TLE5: variants seen among roughly 807,000 people sequenced by gnomAD.
The protein encoded by TLE5 is TLE family member 5, transcriptional modulator.
A neutral mutation model predicts 25.8 loss-of-function variants in TLE5; 7 were observed. The observed-to-expected ratio is 0.27, with a 90% confidence interval of 0.15 to 0.51. The LOEUF is 0.51. Ranked by LOEUF, TLE5 falls within the 20% of genes least tolerant of loss-of-function variation. The pLI, the probability that TLE5 is intolerant of heterozygous loss-of-function variation, is 0.97. For missense variants in TLE5, 149 were observed against 250.7 expected, an observed-to-expected ratio of 0.59 and a Z score of 2.74; for synonymous variants, 132 against 110.5, an observed-to-expected ratio of 1.20 and a Z score of -1.22.
chr19:3,059,884 C>T (rs184023827), intron 2 of TLE5, among the ~76,000 whole-genome samples: 3 of 152,188 alleles, frequency 2.0e-5, no homozygotes, highest in East Asian at 1.9e-4. Flanking sequence ...CCAGCACCTT[C>T]GACTGTCAGT....
intron 2 of TLE5, among the ~76,000 whole-genome samples, chr19:3,060,247 C>T (rs1327775511): frequency 6.6e-6 from 1 of 151,950 alleles, no homozygotes; most frequent in East Asian, 1.9e-4. Flanking sequence ...AAACCTCAGC[C>T]TTGCCACTTC....
upstream of TLE5, chr19:3,062,526 G>A: frequency 1.5e-6 from 1 of 665,882 alleles, no homozygotes; most frequent in Non-Finnish European, 1.9e-6. Flanking sequence ...GGAGGCTTCG[G>A]CTCCACCTGC....
intron 4 of TLE5, 60 bp downstream of exon 4, chr19:3,056,252 G>A (rs1376944135): frequency 3.2e-6 from 4 of 1,259,100 alleles, no homozygotes; most frequent in Non-Finnish European, 3.3e-6. Flanking sequence ...GGCGGGGCTG[G>A]AGGTGGGGGG....
At position 3,057,608 on chromosome 19, in the gene TLE5, C is replaced by T. The variant is rs538870268; in HGVS notation, c.189+71G>A. ...GGCCGGGGTTGAGGGAGCAGCTGCC[C>T]GTGGTGGAGGGGATGTGGAGGGCCC... On this transcript the variant is annotated intron_variant, in intron 3 of 6. Transcript: ENST00000327141. The T allele has an allele frequency of 2.0e-4, 297 of 1,458,238 alleles. 2 individuals are homozygous for T. Among genetic ancestry groups the T allele is most frequent in the Admixed American group, 1.3e-4 (8 of 59,646 alleles). The allele number at this position is 1,458,238 out of a possible 1,614,324, so 90.3% of individuals were successfully genotyped here. A position where few individuals can be genotyped will look rare whatever the true frequency, so the allele number is the denominator to read the frequency against.
In TLE5 at chr19:3,053,779, C is replaced by T. The variant is rs763765034; in HGVS notation, c.*40G>A. The T allele has an allele frequency of 3.1e-6, 5 of 1,590,466 alleles. No homozygotes were observed. The highest frequency in any genetic ancestry group is 1.7e-5 in the Admixed American group (1 of 59,210). On this transcript the variant is annotated 3_prime_UTR_variant, in exon 7 of 7. Transcript: ENST00000327141. ...CCTTTCTCTCCGTGCCTCTGTCTCC[C>T]CTCTGTCCCCCCTCCCAACCTCCCT...
intron 3 of TLE5, among the ~76,000 whole-genome samples, chr19:3,056,963 T>C (rs958916815): frequency 6.6e-6 from 1 of 152,112 alleles, no homozygotes; most frequent in Non-Finnish European, 1.5e-5. Context: ...CCCAGCTGTG[T>C]GCCCCATTTC....
intron 2 of TLE5, among the ~76,000 whole-genome samples, chr19:3,058,439 C>A (rs541613798): frequency 2.4e-4 from 36 of 152,276 alleles, no homozygotes; most frequent in African/African-American, 8.7e-4. Context: ...CCAAATAGAA[C>A]GTACAAAGAG....
rs1379455793 is a variant in TLE5, at chr19:3,055,685, G to A, written c.276C>T (p.Val92=). 2 of 1,607,972 alleles carry A rather than the reference G, an allele frequency of 1.2e-6. No homozygotes were observed. Among genetic ancestry groups the A allele is most frequent in the African/African-American group, 1.3e-5 (1 of 74,812 alleles). The change falls in exon 5 of 7, where the codon GTC becomes GTT. Residue 92 remains valine, a synonymous_variant. Coordinates refer to ENST00000327141, the MANE Select transcript of TLE5 (RefSeq NM_001130.6). ...TTACCTCTTGGGAGAGGTAGGGCAG[G>A]ACCTGGGCACAAATCCCGTTCAGCC... ...VKRLNGICAQ[V]LPYLSQEHQQ... is the part of the protein sequence containing the mutation.
At chr19:3,055,553 G>A (rs1407932011) in intron 5 of TLE5, 111 bp downstream of exon 5, 6 of 903,590 alleles carry the variant, frequency 6.6e-6, no homozygotes, top group African/African-American at 1.7e-5. Context: ...CCAGAGAGGG[G>A]AGGCGTGTGC....
Position 3,053,096 on chromosome 19 carries a change from T to G in TLE5, c.*723A>C, listed in dbSNP as rs562760929. 1 of 151,638 alleles carries G rather than the reference T, an allele frequency of 6.6e-6. No homozygotes were observed. Among genetic ancestry groups the G allele is most frequent in the Admixed American group, 6.6e-5 (1 of 15,230 alleles). 9.4% of individuals were successfully genotyped at this position (151,638 alleles called of 1,614,324 possible). Reference sequence around the variant, plus strand: ...TTTTTTTTTTTAATATCCCCTTTCTTAAAAGACAAGCTAGTATACTGGAAA... The same window carrying G: ...TTTTTTTTTTTAATATCCCCTTTCTGAAAAGACAAGCTAGTATACTGGAAA... On this transcript the variant is annotated 3_prime_UTR_variant, in exon 7 of 7. Coordinates refer to ENST00000327141, the MANE Select transcript of TLE5 (RefSeq NM_001130.6).
upstream of TLE5, chr19:3,062,714 G>T (rs761932785): frequency 6.6e-7 from 1 of 1,522,448 alleles, no homozygotes; most frequent in South Asian, 1.2e-5. Flanking sequence ...CAGCCGGCCG[G>T]GCCTCGGTTT....
Position 3,059,582 on chromosome 19 carries a change from T to C in TLE5, c.125+1578A>G, listed in dbSNP as rs1387983435. On this transcript the variant is annotated intron_variant, in intron 2 of 6. Coordinates refer to ENST00000327141, the MANE Select transcript of TLE5 (RefSeq NM_001130.6). ...CAAAGCCTGCATTTCTGGCCTTTCT[T>C]GAAAAATAGGATGGTCTGGCCACCC... Among the ~76,000 whole-genome samples, 3 of 152,154 alleles carry C rather than the reference T, an allele frequency of 2.0e-5. No individual in the cohort carries two copies. In the South Asian group the frequency reaches 6.2e-4, roughly 32 times the overall value.
chr19:3,053,429 C>G lies in TLE5; in HGVS notation c.*390G>C, dbSNP rs1568262018. Reference sequence around the variant, plus strand: ...CAGCTAGCATTGCGTGCATGCAGTACCAGGGTGAGAGGGCTGTGGCCCAGG... The same window carrying G: ...CAGCTAGCATTGCGTGCATGCAGTAGCAGGGTGAGAGGGCTGTGGCCCAGG... On this transcript the variant is annotated 3_prime_UTR_variant, in exon 7 of 7. Transcript: ENST00000327141. 1 of 241,914 alleles carries G rather than the reference C, an allele frequency of 4.1e-6. No homozygotes were observed. Among genetic ancestry groups the G allele is most frequent in the Non-Finnish European group, 8.1e-6 (1 of 123,862 alleles). 15.0% of individuals were successfully genotyped at this position (241,914 alleles called of 1,614,324 possible).
chr19:3,055,452 G>A (rs893228682), intron 5 of TLE5: 8 of 393,350 alleles, frequency 2.0e-5, no homozygotes, highest in Non-Finnish European at 3.6e-5. Context: ...GCAGGGTGAG[G>A]CCCGCCCCCC....
intron 6 of TLE5, 34 bp downstream of exon 6, chr19:3,054,086 T>TGGGGGGGGGGGCCCCCC: frequency 4.6e-6 from 7 of 1,512,732 alleles, no homozygotes; most frequent in African/African-American, 1.4e-5. Flanking sequence ...GGCCCACCTG[T>TGGGGGGGGGGGCCCCCC]CCCCCGCCCA....
intron 1 of TLE5, among the ~76,000 whole-genome samples, chr19:3,061,615 T>A (rs1347620816): frequency 6.6e-6 from 1 of 150,586 alleles, no homozygotes; most frequent in East Asian, 2.0e-4. Context: ...GGGAGCCCCC[T>A]CCCCAAGTTG....
chr19:3,055,407 C>G (rs950002762), intron 5 of TLE5: 5 of 355,638 alleles, frequency 1.4e-5, no homozygotes, highest in African/African-American at 1.0e-4. Context: ...ACATTTCTAC[C>G]TATGACATGA....
chr19:3,060,328 CTTTT>C (rs990199468), intron 2 of TLE5, among the ~76,000 whole-genome samples: 14 of 93,190 alleles, frequency 1.5e-4, no homozygotes, highest in South Asian at 1.0e-3. Context: ...TTTTTTCTTT[CTTTT>C]TTTTTTTTTT....
Position 3,053,974 on chromosome 19 carries a change from C to G in TLE5, c.439G>C (p.Val147Leu), listed in dbSNP as rs375697013. ...GGCAGCGAAGGCGGCTGCAGCCCCA[C>G]GGGTAGTGGGGTCAAGGGCAGGGCC... is the stretch of plus-strand genomic sequence containing the variant. ...ALALPLTPLP[V>L]GLQPPSLPAV... Residue 147 changes from valine (V) to leucine (L), a missense_variant, in exon 7 of 7, where the codon GTG becomes CTG. By Grantham distance (32) the Val-to-Leu change is conservative. Transcript: ENST00000327141. 6.2e-7 allele frequency: 1 copy of G among 1,610,294 alleles called. No individual in the cohort carries two copies. Among genetic ancestry groups the G allele is most frequent in the Non-Finnish European group, 8.5e-7 (1 of 1,178,972 alleles).
Sources: allele counts gnomAD v4.1 joint callset (sites outside exome capture counted in the v4.1 genomes callset), GRCh38; gene constraint gnomAD v4.1.1; transcripts MANE v1.5; gene names NCBI Gene and HGNC (gene_info 2026-07-23, HGNC 2026-07-21).